SORCS3: variants seen among roughly 807,000 people sequenced by gnomAD.
The protein encoded by SORCS3 is sortilin related VPS10 domain containing receptor 3, also known as VPS10 domain-containing receptor SorCS3.
In SORCS3, 57 loss-of-function variants were observed where a neutral mutation model predicts 146.3. That is an observed-to-expected ratio of 0.39 (90% CI 0.31 to 0.49). The LOEUF is 0.49. SORCS3 is among the 20% of genes least tolerant of loss of function. The probability of loss-of-function intolerance (pLI) is 0.92; values close to 1 mark genes in which losing one functional copy is unlikely to be tolerated. For synonymous variants in SORCS3, 653 were observed against 618.5 expected, an observed-to-expected ratio of 1.06 and a Z score of -0.83; for missense variants, 1,341 against 1,575.5, an observed-to-expected ratio of 0.85 and a Z score of 2.52.
At chr10:104,860,832 C>G (rs1038078730) in intron 2 of SORCS3, among the ~76,000 whole-genome samples, 1 of 152,134 alleles carries the variant, frequency 6.6e-6, no homozygotes. Context: ...TGGATCTAAG[C>G]CCTCTGATTC....
chr10:105,216,084 T>A (rs968853657), intron 18 of SORCS3, among the ~76,000 whole-genome samples: 2 of 151,752 alleles, frequency 1.3e-5, no homozygotes, highest in Non-Finnish European at 2.9e-5. Context: ...ATCATTGGCA[T>A]CATGTTACCA....
chr10:105,030,900 C>A (rs1014203463), intron 4 of SORCS3, among the ~76,000 whole-genome samples: 1 of 151,844 alleles, frequency 6.6e-6, no homozygotes, highest in Non-Finnish European at 1.5e-5. Flanking sequence ...GCCTGTGGAT[C>A]CTTTTTACAA....
Position 105,018,200 on chromosome 10 carries a change from G to A in SORCS3, c.955-24855G>A, listed in dbSNP as rs758675990. 5.3e-5 allele frequency among the ~76,000 whole-genome samples: 8 copies of A among 152,288 alleles called. No individual in the cohort carries two copies. The South Asian group carries it at 8.3e-4, about 16-fold the overall frequency. ...GCTTCTCTTTTCTGGTGGTGTTTTT[G>A]TTCTCAGGCGACGTTCCCCTCAGAG... On this transcript the variant is annotated intron_variant, in intron 4 of 26. Transcript: ENST00000369701.
At chr10:105,150,589 G>T (rs2056161497) in intron 9 of SORCS3, among the ~76,000 whole-genome samples, 1 of 152,164 alleles carries the variant, frequency 6.6e-6, no homozygotes, top group African/African-American at 2.4e-5. Context: ...GTGCTGATTT[G>T]TGAGAAAGTA....
At chr10:105,044,453 T>C (rs1011101191) in intron 5 of SORCS3, among the ~76,000 whole-genome samples, 1 of 152,128 alleles carries the variant, frequency 6.6e-6, no homozygotes, top group Admixed American at 6.6e-5. Context: ...GTATCTCTTA[T>C]AAATATCTTA....
At position 104,668,831 on chromosome 10, in the gene SORCS3, T is replaced by C. The variant is rs1395645554; in HGVS notation, c.627+26877T>C. On this transcript the variant is annotated intron_variant, in intron 1 of 26. Transcript: ENST00000369701. ...GAAGGGAGTCTAGGAAGAATAACTC[T>C]TAGTTGGAACTAATTCCCGAGAGCC... Among the ~76,000 whole-genome samples, 34 of 152,222 alleles carry C rather than the reference T, an allele frequency of 2.2e-4. 1 individual carries two copies. Among genetic ancestry groups the C allele is most frequent in the Admixed American group, 2.2e-3 (34 of 15,284 alleles).
chr10:104,747,054 G>A (rs551418821), intron 1 of SORCS3, among the ~76,000 whole-genome samples: 81 of 152,310 alleles, frequency 5.3e-4, no homozygotes, highest in Admixed American at 2.4e-3. Context: ...GTGAATTCAC[G>A]TTCATGCTTG....
intron 1 of SORCS3, among the ~76,000 whole-genome samples, chr10:104,644,623 G>A (rs928884050): frequency 1.3e-5 from 2 of 152,224 alleles, no homozygotes; most frequent in South Asian, 2.1e-4. Context: ...CAAAGTGGAG[G>A]GAGATGTCCG....
chr10:104,695,873 A>AATTAATTGTGAATT (rs1564660734), intron 1 of SORCS3, among the ~76,000 whole-genome samples: 25 of 149,932 alleles, frequency 1.7e-4, no homozygotes, highest in Middle Eastern at 3.5e-3. Flanking sequence ...AATTCACAAT[A>AATTAATTGTGAATT]GTCAAAATAT....
chr10:105,011,977 G>C (rs1244834476), intron 4 of SORCS3, among the ~76,000 whole-genome samples: 1 of 152,208 alleles, frequency 6.6e-6, no homozygotes, highest in Non-Finnish European at 1.5e-5. Context: ...CAAGAAAGGA[G>C]CATAGAGGAA....
chr10:104,842,949 G>A (rs768297999), intron 2 of SORCS3, 90 bp downstream of exon 2: 21 of 1,025,338 alleles, frequency 2.0e-5, no homozygotes, highest in Non-Finnish European at 3.1e-5. Flanking sequence ...GGACTGGAAG[G>A]AGCAGAAGAT....
chr10:104,768,389 G>C lies in SORCS3; in HGVS notation c.628-74403G>C, dbSNP rs2017206660. The stretch of plus-strand genomic sequence containing the variant: ...AACAGATAGTTTTTGAGACATCTGA[G>C]AGTTTGTTATACTGAAAAAACTGTG... On this transcript the variant is annotated intron_variant, in intron 1 of 26. Coordinates refer to ENST00000369701, the MANE Select transcript of SORCS3 (RefSeq NM_014978.3). Among the ~76,000 whole-genome samples, 3 of 152,204 alleles carry C rather than the reference G, an allele frequency of 2.0e-5. No individual in the cohort carries two copies. The South Asian group carries it at 6.2e-4, about 32-fold the overall frequency.
intron 8 of SORCS3, among the ~76,000 whole-genome samples, chr10:105,146,117 CTATCTATTACTCTTTGGCA>C (rs1400170488): frequency 6.6e-6 from 1 of 152,116 alleles, no homozygotes; most frequent in Non-Finnish European, 1.5e-5. Context: ...TTTCCTTCTG[CTATCTATTACTCTTTGGCA>C]TATACACCAG....
At chr10:105,013,221 G>A (rs2055145175) in intron 4 of SORCS3, among the ~76,000 whole-genome samples, 1 of 151,988 alleles carries the variant, frequency 6.6e-6, no homozygotes, top group African/African-American at 2.4e-5. Context: ...AAAATTATTA[G>A]CAAACTAGGA....
chr10:104,760,548 TA>T (rs1453751688), intron 1 of SORCS3, among the ~76,000 whole-genome samples: 1 of 152,228 alleles, frequency 6.6e-6, no homozygotes, highest in Non-Finnish European at 1.5e-5. Context: ...CAGAGCCCAG[TA>T]ACTATTTCTT....
chr10:105,040,415 G>A (rs2055331515), intron 4 of SORCS3, among the ~76,000 whole-genome samples: 1 of 152,154 alleles, frequency 6.6e-6, no homozygotes, highest in Middle Eastern at 3.2e-3. Context: ...TGCTCGTAGA[G>A]CTAACCTCGA....
At chr10:105,184,796 T>C (rs2119577503) in intron 14 of SORCS3, among the ~76,000 whole-genome samples, 1 of 152,340 alleles carries the variant, frequency 6.6e-6, no homozygotes. Flanking sequence ...CCTTTTGTTC[T>C]TTTGTGAGTT....
At chr10:104,732,194 T>C (rs570334009) in intron 1 of SORCS3, among the ~76,000 whole-genome samples, 7 of 152,348 alleles carry the variant, frequency 4.6e-5, no homozygotes, top group African/African-American at 1.4e-4. Flanking sequence ...TGAGTGCTTA[T>C]TGGATAAGAG....
chr10:104,807,145 TC>T, intron 1 of SORCS3, among the ~76,000 whole-genome samples: 1 of 151,684 alleles, frequency 6.6e-6, no homozygotes, highest in Admixed American at 6.6e-5. Context: ...TAAGAAATGG[TC>T]TGCTCTTTAT....
Sources: gnomAD v4.1 joint callset for allele counts (sites outside exome capture counted in the v4.1 genomes callset) on GRCh38, gnomAD v4.1.1 for gene constraint, MANE v1.5 for transcripts, NCBI Gene and HGNC (gene_info 2026-07-23, HGNC 2026-07-21) for gene names.